LY6G6F: variants seen among roughly 807,000 people sequenced by gnomAD.
LY6G6F encodes the protein lymphocyte antigen 6 complex locus protein G6f.
Under a neutral mutation model 33.0 loss-of-function variants are expected in LY6G6F, and 26 were observed. The ratio of observed to expected loss-of-function variants is 0.79; its 90% CI spans 0.58 to 1.09. The LOEUF (loss-of-function observed/expected upper bound fraction) is 1.09, where lower values mean the gene tolerates loss of function less well. Among genes scored for constraint, LY6G6F ranks in the 50% least tolerant of loss-of-function variants. LY6G6F has a pLI of 0.00. For missense variants in LY6G6F, 317 were observed against 372.0 expected (o/e 0.85, Z 1.22); for synonymous variants, 132 against 148.1 (o/e 0.89, Z 0.79).
intron 3 of LY6G6F, among the ~76,000 whole-genome samples, chr6:31,708,919 T>C (rs1229191546): frequency 2.0e-5 from 3 of 146,698 alleles, no homozygotes; most frequent in Non-Finnish European, 4.5e-5. Context: ...AGAGCGAAGC[T>C]CTATCTCAAA....
At chr6:31,708,199 A>G in intron 3 of LY6G6F, 65 bp downstream of exon 3, 1 of 1,497,938 alleles carries the variant, frequency 6.7e-7, no homozygotes, top group Non-Finnish European at 8.9e-7. Context: ...AGCTGGAATT[A>G]CAGGCGCCCG....
Position 31,707,890 on chromosome 6 carries a change from G to T in LY6G6F, c.402G>T (p.Arg134Ser). 1 of 1,613,468 alleles carries T rather than the reference G, an allele frequency of 6.2e-7. No individual in the cohort carries two copies. The highest frequency in any genetic ancestry group is 8.5e-7 in the Non-Finnish European group (1 of 1,179,752). ...CTACAGGATCCCAGTTATCTGCAAGGGCTGCAGATGGATCCCCCTGCAATG... is the reference window on the plus strand; with the variant it reads ...CTACAGGATCCCAGTTATCTGCAAGTGCTGCAGATGGATCCCCCTGCAATG... ...LVLKGSQLSA[R>S]AADGSPCNVL... is the part of the protein sequence containing the mutation. The change falls in exon 3 of 6, where the codon AGG becomes AGT. Residue 134 changes from arginine to serine, a missense_variant. Coordinates refer to ENST00000375832, the MANE Select transcript of LY6G6F (RefSeq NM_001003693.3). This position sits in a 1 kb window ranked among gnomAD's most constrained non-coding sequence, Gnocchi z 4.1.
chr6:31,707,710 G>A lies in LY6G6F; in HGVS notation c.305G>A (p.Gly102Glu), dbSNP rs769518611. 3 of 1,614,186 alleles carry A rather than the reference G, an allele frequency of 1.9e-6. No individual in the cohort carries two copies. The highest frequency in any genetic ancestry group is 2.5e-6 in the Non-Finnish European group (3 of 1,180,026). ...GAGGGATCCAAAGAGGAAGATGCCG[G>A]GCGGTACTGGTGCGCTGTGCTAGGT... The part of the protein sequence containing the change: ...WLEGSKEEDA[G>E]RYWCAVLGQH... The change falls in exon 2 of 6, where the codon GGG (glycine) becomes GAG (glutamate). Residue 102 changes from glycine to glutamate, a missense_variant. Transcript: ENST00000375832. This position sits in a 1 kb window ranked among gnomAD's most constrained non-coding sequence, Gnocchi z 4.1.
intron 3 of LY6G6F, among the ~76,000 whole-genome samples, 159 bp from the exon 4 acceptor site, chr6:31,709,867 G>A (rs771229748): frequency 1.2e-4 from 19 of 152,184 alleles, no homozygotes; most frequent in Non-Finnish European, 2.4e-4. Context: ...GGCCTGGAAA[G>A]GGGCAGAGTA....
Position 31,710,359 on chromosome 6 carries a change from G to T in LY6G6F, c.810G>T (p.Ser270=). Residue 270 remains serine, a synonymous_variant, in exon 5 of 6, where the codon TCG becomes TCT. Transcript: ENST00000375832. This position sits in a 1 kb window ranked among gnomAD's most constrained non-coding sequence, Gnocchi z 4.7. ...ATGGCTCCTTCTCCCCAGATGCCTC[G>T]ATTCCTCAGTTCAAACCCGAAATCC... is the stretch of plus-strand genomic sequence containing the variant. ...RVRGAPGRDA[S]IPQFKPEIQV... The T allele has an allele frequency of 2.5e-6, 4 of 1,613,990 alleles. No homozygotes were observed. The highest frequency in any genetic ancestry group is 2.2e-5 in the East Asian group (1 of 44,876).
rs1805960801 is a variant in LY6G6F, at chr6:31,710,480, C to T, written c.869+62C>T. 6.2e-7 allele frequency: 1 copy of T among 1,613,552 alleles called. No individual in the cohort carries two copies. The highest frequency in any genetic ancestry group is 2.2e-5 in the East Asian group (1 of 44,874). ...GAGGGGACTGGGGATGGAGAGGAAACACGGGTTGGGTTGGGGATGGGCCCT... is the reference window on the plus strand; with the variant it reads ...GAGGGGACTGGGGATGGAGAGGAAATACGGGTTGGGTTGGGGATGGGCCCT... On this transcript the variant is annotated intron_variant, in intron 5 of 5. Coordinates refer to ENST00000375832, the MANE Select transcript of LY6G6F (RefSeq NM_001003693.3). The surrounding 1 kb of genome is among the most constrained non-coding windows in gnomAD (Gnocchi z 4.7).
intron 3 of LY6G6F, among the ~76,000 whole-genome samples, chr6:31,709,625 C>A (rs1490406485): frequency 6.6e-6 from 1 of 151,896 alleles, no homozygotes; most frequent in Non-Finnish European, 1.5e-5. Flanking sequence ...ACCTCCTGAC[C>A]TCAGGTGATC....
chr6:31,709,064 CT>C (rs71552074), intron 3 of LY6G6F, among the ~76,000 whole-genome samples: 25 of 52,214 alleles, frequency 4.8e-4, no homozygotes, highest in African/African-American at 8.0e-4. Flanking sequence ...CACGCCTGGC[CT>C]TTTTTTTTTT....
In LY6G6F at chr6:31,708,236, C is replaced by T. The variant is rs144841051; in HGVS notation, c.646+102C>T. Reference sequence around the variant, plus strand: ...CACCATGCCTGGATAATTTTTTGTACTTTTAGTAGAGACGAGATTTCACCA... The same window carrying T: ...CACCATGCCTGGATAATTTTTTGTATTTTTAGTAGAGACGAGATTTCACCA... On this transcript the variant is annotated intron_variant, in intron 3 of 5. Transcript: ENST00000375832. 7.0e-4 allele frequency: 990 copies of T among 1,410,530 alleles called. 6 individuals carry two copies. The African/African-American group carries it at 8.8e-3, about 13-fold the overall frequency. 87.4% of individuals were successfully genotyped at this position (1,410,530 alleles called of 1,614,324 possible). A position where few individuals can be genotyped will look rare whatever the true frequency, so the allele number is the denominator to read the frequency against.
intron 3 of LY6G6F, among the ~76,000 whole-genome samples, 195 bp downstream of exon 3, chr6:31,708,329 G>A (rs1191970787): frequency 6.6e-6 from 1 of 152,022 alleles, no homozygotes; most frequent in African/African-American, 2.4e-5. Flanking sequence ...CCAAAGTGCT[G>A]GGATTATAGG....
chr6:31,709,056 C>T lies in LY6G6F; in HGVS notation c.646+922C>T, dbSNP rs555812877. On this transcript the variant is annotated intron_variant, in intron 3 of 5. Coordinates refer to ENST00000375832, the MANE Select transcript of LY6G6F (RefSeq NM_001003693.3). The stretch of plus-strand genomic sequence containing the variant: ...TTAGGATTATAGGTGTGAGCCACCA[C>T]GCCTGGCCTTTTTTTTTTTTTTTTT... 8.8e-4 allele frequency among the ~76,000 whole-genome samples: 130 copies of T among 147,368 alleles called. 1 individual carries two copies. The highest frequency in any genetic ancestry group is 1.4e-3 in the Non-Finnish European group (93 of 67,178).
chr6:31,710,281 G>A lies in LY6G6F; in HGVS notation c.803-71G>A. ...CTGTACCCCACCTCCTCTAGGGGAG[G>A]GGGCGAGGAACACGGCTCTAAGTTG... On this transcript the variant is annotated intron_variant, in intron 4 of 5. Coordinates refer to ENST00000375832, the MANE Select transcript of LY6G6F (RefSeq NM_001003693.3). This position sits in a 1 kb window ranked among gnomAD's most constrained non-coding sequence, Gnocchi z 4.7. 1 of 1,612,896 alleles carries A rather than the reference G, an allele frequency of 6.2e-7. No individual in the cohort carries two copies. Among genetic ancestry groups the A allele is most frequent in the Non-Finnish European group, 8.5e-7 (1 of 1,179,896 alleles).
chr6:31,709,897 C>A, intron 3 of LY6G6F, 129 bp from the exon 4 acceptor site: 2 of 939,976 alleles, frequency 2.1e-6, no homozygotes, highest in African/African-American at 1.7e-5. Context: ...ATATTGTGGG[C>A]AGGGAAGCTT....
Position 31,707,446 on chromosome 6 carries a change from C to A in LY6G6F, c.53-12C>A. 6.2e-7 allele frequency: 1 copy of A among 1,611,678 alleles called. No homozygotes were observed. Among genetic ancestry groups the A allele is most frequent in the East Asian group, 2.2e-5 (1 of 44,846 alleles). ...TGGAGGTCTCTGGCCTCATACAACC[C>A]TCTTCCCACAGACAACATGCAGGCC... On this transcript the variant is annotated splice_polypyrimidine_tract_variant and intron_variant, in intron 1 of 5. Transcript: ENST00000375832. The surrounding 1 kb of genome is among the most constrained non-coding windows in gnomAD (Gnocchi z 4.1).
chr6:31,709,886 G>T (rs1805896978), intron 3 of LY6G6F, 140 bp from the exon 4 acceptor site: 2 of 847,318 alleles, frequency 2.4e-6, no homozygotes, highest in Non-Finnish European at 3.6e-6. Context: ...TAGGGTGGAG[G>T]ATATTGTGGG....
At chr6:31,709,321 G>A (rs1483708810) in intron 3 of LY6G6F, among the ~76,000 whole-genome samples, 2 of 150,176 alleles carry the variant, frequency 1.3e-5, no homozygotes, top group Non-Finnish European at 3.0e-5. Flanking sequence ...GTGCAGTGGC[G>A]CAATCCCGGC....
chr6:31,710,577 C>T lies in LY6G6F; in HGVS notation c.880C>T (p.His294Tyr), dbSNP rs373078505. The T allele has an allele frequency of 1.7e-5, 28 of 1,613,964 alleles. No homozygotes were observed. The highest frequency in any genetic ancestry group is 2.7e-5 in the African/African-American group (2 of 74,890). Residue 294 changes from histidine to tyrosine, a missense_variant, in exon 6 of 6, where the codon CAC becomes TAC. Coordinates refer to ENST00000375832, the MANE Select transcript of LY6G6F (RefSeq NM_001003693.3). This position sits in a 1 kb window ranked among gnomAD's most constrained non-coding sequence, Gnocchi z 4.7. Reference sequence around the variant, plus strand: ...TGGAAAACCCCACAGCCCACCTGCCCACAAGCCCAGGTGATTTTGGTGACA... The same window carrying T: ...TGGAAAACCCCACAGCCCACCTGCCTACAAGCCCAGGTGATTTTGGTGACA... ...IHLARLGPPAHKPR is the reference protein window; with the variant it reads ...IHLARLGPPAYKPR
Position 31,708,003 on chromosome 6 carries a change from C to G in LY6G6F, c.515C>G (p.Ser172Cys). Residue 172 changes from serine (S) to cysteine (C), a missense_variant, in exon 3 of 6, where the codon TCC (serine) becomes TGC (cysteine). Ser to Cys is a moderately radical substitution (Grantham distance 112). Transcript: ENST00000375832. The part of the protein sequence containing the change: ...GKGPVRGRVQ[S>C]FWGSEAALLL... ...GGTCCCGTGAGGGGCCGTGTTCAGT[C>G]CTTCTGGGGCAGTGAGGCTGCCCTG... 6.2e-7 allele frequency: 1 copy of G among 1,613,108 alleles called. No individual in the cohort carries two copies. The highest frequency in any genetic ancestry group is 8.5e-7 in the Non-Finnish European group (1 of 1,180,036).
chr6:31,706,928 C>T lies in LY6G6F; in HGVS notation c.22C>T (p.Leu8=), dbSNP rs761614618. ...CCCCATGGCAGTCTTATTCCTCCTC[C>T]TGTTCCTATGTGGAACTCCCCAGGC... The part of the protein sequence containing the change: MAVLFLL[L]FLCGTPQAAD... Residue 8 remains leucine (L), a synonymous_variant, in exon 1 of 6, where the codon CTG becomes TTG. Coordinates refer to ENST00000375832, the MANE Select transcript of LY6G6F (RefSeq NM_001003693.3). 1.9e-6 allele frequency: 3 copies of T among 1,614,166 alleles called. No individual in the cohort carries two copies. The highest frequency in any genetic ancestry group is 2.2e-5 in the East Asian group (1 of 44,870).
Sources: gnomAD v4.1 joint callset for allele counts (sites outside exome capture counted in the v4.1 genomes callset) on GRCh38, gnomAD v4.1.1 for gene constraint, Gnocchi (gnomAD v3.1) non-coding constraint, MANE v1.5 for transcripts, NCBI Gene and HGNC (gene_info 2026-07-23, HGNC 2026-07-21) for gene names.